The following MBD2 variants were observed in gnomAD, a reference collection of about 807,000 sequenced individuals.
MBD2 encodes the protein methyl-CpG-binding domain protein 2.
MBD2 carries 9 observed loss-of-function variants against 39.3 expected under a neutral mutation model. That is an observed-to-expected ratio of 0.23 (90% CI 0.14 to 0.40). MBD2 has a LOEUF of 0.40. Ranked by LOEUF, MBD2 falls within the 10% of genes least tolerant of loss-of-function variation. The probability of loss-of-function intolerance (pLI) is 1.00; values close to 1 mark genes in which losing one functional copy is unlikely to be tolerated. For synonymous variants in MBD2, 233 were observed against 211.1 expected (o/e 1.10, Z -0.90); for missense variants, 458 against 532.6 (o/e 0.86, Z 1.38).
intron 3 of MBD2, among the ~76,000 whole-genome samples, chr18:54,171,404 A>G (rs2086178772): frequency 6.6e-6 from 1 of 152,022 alleles, no homozygotes; most frequent in South Asian, 2.1e-4. Context: ...CTCAAAAAAA[A>G]AAGCATGCAC....
chr18:54,181,604 A>G (rs554097985), intron 3 of MBD2, among the ~76,000 whole-genome samples: 2 of 152,026 alleles, frequency 1.3e-5, no homozygotes, highest in East Asian at 3.9e-4. Flanking sequence ...GGTTCAGGCA[A>G]TTCTCTGCCT....
At chr18:54,194,716 T>A (rs1313260428) in intron 2 of MBD2, among the ~76,000 whole-genome samples, 1 of 152,244 alleles carries the variant, frequency 6.6e-6, no homozygotes, top group East Asian at 1.9e-4. Flanking sequence ...GTTGTTCACA[T>A]TAATGAGTAG....
chr18:54,219,537 G>C (rs2086591915), intron 1 of MBD2, among the ~76,000 whole-genome samples: 1 of 152,194 alleles, frequency 6.6e-6, no homozygotes, highest in Non-Finnish European at 1.5e-5. Flanking sequence ...TTATGAGAAA[G>C]AAGACAATAT....
intron 5 of MBD2, among the ~76,000 whole-genome samples, chr18:54,161,764 C>G (rs1273755432): frequency 6.6e-6 from 1 of 152,200 alleles, no homozygotes; most frequent in Non-Finnish European, 1.5e-5. Flanking sequence ...CCCAAAACCA[C>G]CCTTACGTGC....
intron 3 of MBD2, among the ~76,000 whole-genome samples, chr18:54,174,221 A>G (rs2086195936): frequency 6.6e-6 from 1 of 152,206 alleles, no homozygotes; most frequent in Non-Finnish European, 1.5e-5. Context: ...GATATACCAA[A>G]TGTACCCAGG....
intron 6 of MBD2, among the ~76,000 whole-genome samples, chr18:54,157,754 G>A (rs1315792174): frequency 6.6e-6 from 1 of 152,134 alleles, no homozygotes; most frequent in Non-Finnish European, 1.5e-5. Context: ...CCCTTAGCCT[G>A]TTCCCCTACC....
At chr18:54,194,343 T>C (rs1443072002) in intron 2 of MBD2, among the ~76,000 whole-genome samples, 1 of 152,092 alleles carries the variant, frequency 6.6e-6, no homozygotes, top group Non-Finnish European at 1.5e-5. Flanking sequence ...CCCTTTACTC[T>C]TTGAATAATT....
At chr18:54,192,903 C>T (rs764129052) in intron 2 of MBD2, among the ~76,000 whole-genome samples, 1 of 152,182 alleles carries the variant, frequency 6.6e-6, no homozygotes, top group African/African-American at 2.4e-5. Flanking sequence ...CAGTTCATTC[C>T]CTACTGGCAC....
intron 3 of MBD2, among the ~76,000 whole-genome samples, chr18:54,177,896 T>C (rs2086224068): frequency 7.6e-6 from 1 of 130,764 alleles, no homozygotes; most frequent in Non-Finnish European, 1.5e-5. Flanking sequence ...AGGGATGCAG[T>C]GGGTATGATC....
rs578058477 is a variant in MBD2 at position 54,208,745 on chromosome 18, C to T, written c.543-3588G>A. On this transcript the variant is annotated intron_variant, in intron 1 of 6. Transcript: ENST00000256429. ...CAAATTAAACCTGCAATAAGTAGTT[C>T]CTTATCTTAAAGTTGAAATGTCAGT... Among the ~76,000 whole-genome samples, 69 of 152,254 alleles carry T rather than the reference C, an allele frequency of 4.5e-4. No homozygotes were observed. In the South Asian group the frequency reaches 0.014, roughly 30 times the overall value.
At chr18:54,184,375 A>C (rs992899874) in intron 3 of MBD2, among the ~76,000 whole-genome samples, 2 of 152,044 alleles carry the variant, frequency 1.3e-5, no homozygotes, top group Non-Finnish European at 2.9e-5. Flanking sequence ...ATAAAAATCT[A>C]ATGCCTAATG....
chr18:54,219,490 A>G (rs1206953243), intron 1 of MBD2, among the ~76,000 whole-genome samples: 2 of 152,224 alleles, frequency 1.3e-5, no homozygotes, highest in Non-Finnish European at 2.9e-5. Flanking sequence ...TGAATATGAG[A>G]GTTATACAAG....
At chr18:54,177,994 T>A (rs1403062110) in intron 3 of MBD2, among the ~76,000 whole-genome samples, 1 of 151,850 alleles carries the variant, frequency 6.6e-6, no homozygotes, top group Non-Finnish European at 1.5e-5. Flanking sequence ...CCCACACCAC[T>A]GCGCCAGCTA....
intron 1 of MBD2, 35 bp downstream of exon 1, chr18:54,223,983 A>AACC: frequency 2.7e-6 from 2 of 745,316 alleles, no homozygotes; most frequent in Non-Finnish European, 4.5e-6. Flanking sequence ...CCCCGGCCTG[A>AACC]CCCCGCCACC....
At chr18:54,216,059 G>C (rs991123439) in intron 1 of MBD2, among the ~76,000 whole-genome samples, 42 of 151,894 alleles carry the variant, frequency 2.8e-4, no homozygotes, top group African/African-American at 9.9e-4. Flanking sequence ...CACCCACCTC[G>C]GCCTCCCAAA....
intron 3 of MBD2, among the ~76,000 whole-genome samples, chr18:54,188,508 A>G (rs1197887904): frequency 1.3e-5 from 2 of 152,216 alleles, no homozygotes; most frequent in Non-Finnish European, 1.5e-5. Context: ...TCCAAATAAT[A>G]CAAAATATTT....
At chr18:54,219,200 A>G (rs973627440) in intron 1 of MBD2, among the ~76,000 whole-genome samples, 2 of 152,202 alleles carry the variant, frequency 1.3e-5, no homozygotes. Flanking sequence ...CTAATATTCA[A>G]AATTCCAGAA....
chr18:54,163,974 C>T (rs1599075532), intron 5 of MBD2, among the ~76,000 whole-genome samples: 1 of 152,146 alleles, frequency 6.6e-6, no homozygotes, highest in Non-Finnish European at 1.5e-5. Context: ...GCCTCGACCT[C>T]CCATGCTCAA....
chr18:54,211,922 C>T (rs969199892), intron 1 of MBD2, among the ~76,000 whole-genome samples: 1 of 151,666 alleles, frequency 6.6e-6, no homozygotes, highest in African/African-American at 2.4e-5. Context: ...ATGGCACAAT[C>T]TCAGCTCACT....
Sources: gnomAD v4.1 joint callset for allele counts (sites outside exome capture counted in the v4.1 genomes callset) on GRCh38, gnomAD v4.1.1 for gene constraint, MANE v1.5 for transcripts, NCBI Gene and HGNC (gene_info 2026-07-23, HGNC 2026-07-21) for gene names.